Variants in CRAT observed in about 807,000 individuals in gnomAD.
CRAT encodes the protein carnitine acetylase.
CRAT carries 66 observed loss-of-function variants against 73.7 expected under a neutral mutation model. The ratio of observed to expected loss-of-function variants is 0.90; its 90% confidence interval spans 0.73 to 1.10. CRAT has a LOEUF of 1.10. CRAT is among the 50% of genes least tolerant of loss of function. The pLI, the probability that CRAT is intolerant of heterozygous loss-of-function variation, is 0.00. For synonymous variants in CRAT, 321 were observed against 343.2 expected (o/e 0.94, Z 0.71); for missense variants, 745 against 846.9 (o/e 0.88, Z 1.49).
In CRAT at chr9:129,095,411, G is replaced by C; in HGVS notation, c.1867C>G (p.Arg623Gly). 1 of 1,611,186 alleles carries C rather than the reference G, an allele frequency of 6.2e-7. No homozygotes were observed. The highest frequency in any genetic ancestry group is 8.5e-7 in the Non-Finnish European group (1 of 1,179,928). ...GTCCTAGGGGCTCAGAGCTTGGCCCGGGGGTGGCTCTGCAGCAGGGCACGC... is the reference window on the plus strand; with the variant it reads ...GTCCTAGGGGCTCAGAGCTTGGCCCCGGGGTGGCTCTGCAGCAGGGCACGC... The part of the protein sequence containing the change: ...DMRALLQSHP[R>G]AKL The change falls in exon 14 of 14, where the codon CGG becomes GGG. Residue 623 changes from arginine (R) to glycine (G), a missense_variant. Arg to Gly is a moderately radical substitution (Grantham distance 125). Coordinates refer to ENST00000318080, the MANE Select transcript of CRAT (RefSeq NM_000755.5).
Position 129,096,189 on chromosome 9 carries a change from C to A in CRAT, c.1528-54G>T. ...AGGGGCTGTGGACCCCCGGGGTATC[C>A]CTGCCCTCTTCAGCCTGTGGCAGCG... On this transcript the variant is annotated intron_variant, in intron 12 of 13. Coordinates refer to ENST00000318080, the MANE Select transcript of CRAT (RefSeq NM_000755.5). The A allele has an allele frequency of 1.9e-6, 3 of 1,604,068 alleles. No individual in the cohort carries two copies. In the South Asian group the frequency reaches 3.3e-5, roughly 18 times the overall value.
In CRAT at chr9:129,107,737, C is replaced by T. The variant is rs752880962; in HGVS notation, c.291+77G>A. 50 of 1,604,608 alleles carry T rather than the reference C, an allele frequency of 3.1e-5. 1 individual carries two copies. Among genetic ancestry groups the T allele is most frequent in the Non-Finnish European group, 4.0e-5 (47 of 1,173,582 alleles). ...AAACTCTGGGCAGCAAACGAACGGC[C>T]GTGCCAGAGCAGTGGGCACTGGAGA... On this transcript the variant is annotated intron_variant, in intron 2 of 13. Transcript: ENST00000318080. This position sits in a 1 kb window ranked among gnomAD's most constrained non-coding sequence, Gnocchi z 5.0.
Position 129,100,606 on chromosome 9 carries a change from C to T in CRAT, c.889G>A (p.Glu297Lys), listed in dbSNP as rs761201566. Residue 297 changes from glutamate (E) to lysine (K), a missense_variant, in exon 7 of 14, where the codon GAA becomes AAA. Coordinates refer to ENST00000318080, the MANE Select transcript of CRAT (RefSeq NM_000755.5). ...GCCACGTGGCTGCGGTACACGTCTT[C>T]TGAGACCCTGGGCATGGTTGCATCT... Reference protein sequence around the residue: ...CLDATMPRVSEDVYRSHVAGQ... With the variant: ...CLDATMPRVSKDVYRSHVAGQ... The T allele has an allele frequency of 6.2e-6, 10 of 1,613,984 alleles. No individual in the cohort carries two copies. In the African/African-American group the frequency reaches 1.1e-4, roughly 17 times the overall value.
rs113579980 is a variant in CRAT, at chr9:129,100,541, G to A, written c.954C>T (p.Ser318=). 413 of 1,613,636 alleles carry A rather than the reference G, an allele frequency of 2.6e-4. No homozygotes were observed. The African/African-American group carries it at 4.5e-3, about 18-fold the overall frequency. The part of the protein sequence containing the change: ...MLHGGGSRLN[S]GNRWFDKTLQ... Reference sequence around the variant, plus strand: ...GCGTCTTGTCGAACCAGCGGTTGCCGCTGTTGAGCCTGCTGCCGCCCCCAT... The same window carrying A: ...GCGTCTTGTCGAACCAGCGGTTGCCACTGTTGAGCCTGCTGCCGCCCCCAT... The change falls in exon 7 of 14, where the codon AGC becomes AGT. Residue 318 remains serine (S), a synonymous_variant. Transcript: ENST00000318080.
chr9:129,097,779 A>G (rs371573704), intron 11 of CRAT: 1 of 574,188 alleles, frequency 1.7e-6, no homozygotes, highest in Non-Finnish European at 3.0e-6. Flanking sequence ...AGGGCCTGAC[A>G]TAGGGCAGTT....
chr9:129,097,454 A>C lies in CRAT; in HGVS notation c.1465-142T>G. 2.2e-5 allele frequency: 13 copies of C among 587,710 alleles called. No individual in the cohort carries two copies. The South Asian group carries it at 3.2e-4, about 14-fold the overall frequency. The allele number at this position is 587,710 out of a possible 1,614,324, so 36.4% of individuals were successfully genotyped here. Reference sequence around the variant, plus strand: ...CTGGGAGCGGTGGCTCACGCCTGTAATCCCAGCACTTTGGGAGGCCGAGGC... The same window carrying C: ...CTGGGAGCGGTGGCTCACGCCTGTACTCCCAGCACTTTGGGAGGCCGAGGC... On this transcript the variant is annotated intron_variant, in intron 11 of 13. Coordinates refer to ENST00000318080, the MANE Select transcript of CRAT (RefSeq NM_000755.5).
At chr9:129,108,368 C>A in intron 1 of CRAT, 1 of 1,227,142 alleles carries the variant, frequency 8.1e-7, no homozygotes, top group Non-Finnish European at 1.0e-6. Flanking sequence ...GTGAGGGGGA[C>A]CGCCCACCTG....
chr9:129,108,522 A>C, intron 1 of CRAT: 1 of 1,161,574 alleles, frequency 8.6e-7, no homozygotes, highest in Non-Finnish European at 1.1e-6. Flanking sequence ...AGAATCACAG[A>C]GAGCCAGACA....
At position 129,107,657 on chromosome 9, in the gene CRAT, CCTT is replaced by C. The variant is rs752307388; in HGVS notation, c.291+154_291+156del. The C allele has an allele frequency of 1.7e-4, 167 of 988,304 alleles. 1 individual carries two copies. The highest frequency in any genetic ancestry group is 2.5e-4 in the Non-Finnish European group (156 of 631,764). The allele number at this position is 988,304 out of a possible 1,614,324, so 61.2% of individuals were successfully genotyped here. ...AGCTCCAAGGAGCTGGTGACTGTGT[CCTT>C]CTTGATCACCCAGCACCCTGCCAAG... On this transcript the variant is annotated intron_variant, in intron 2 of 13. Coordinates refer to ENST00000318080, the MANE Select transcript of CRAT (RefSeq NM_000755.5). This position sits in a 1 kb window ranked among gnomAD's most constrained non-coding sequence, Gnocchi z 5.0.
Position 129,098,378 on chromosome 9 carries a change from G to A in CRAT, c.1206-7C>T, listed in dbSNP as rs368706124. On this transcript the variant is annotated splice_polypyrimidine_tract_variant and splice_region_variant and intron_variant, in intron 9 of 13. Coordinates refer to ENST00000318080, the MANE Select transcript of CRAT (RefSeq NM_000755.5). ...ATCCAGGTCCTGGATCATGCTGGGG[G>A]TGTGGGAAGAGCAGGTGAGGAGCAG... 1.7e-5 allele frequency: 28 copies of A among 1,613,432 alleles called. No individual in the cohort carries two copies. The highest frequency in any genetic ancestry group is 2.1e-5 in the Non-Finnish European group (25 of 1,179,760).
chr9:129,108,604 G>T, intron 1 of CRAT: 1 of 1,083,974 alleles, frequency 9.2e-7, no homozygotes, highest in Non-Finnish European at 1.2e-6. Context: ...TGGGGTGAGG[G>T]CAGTGCTGTG....
Position 129,108,342 on chromosome 9 carries a change from C to A in CRAT, c.28-265G>T, listed in dbSNP as rs1848151079. On this transcript the variant is annotated intron_variant, in intron 1 of 13. Coordinates refer to ENST00000318080, the MANE Select transcript of CRAT (RefSeq NM_000755.5). ...GGAACCAAGTCAGGATGAACGGCAC[C>A]TTTGGGGTGGCAGAGGTGAGGGGGA... 5 of 1,238,820 alleles carry A rather than the reference C, an allele frequency of 4.0e-6. No individual in the cohort carries two copies. In the African/African-American group the frequency reaches 4.6e-5, roughly 11 times the overall value. 76.7% of individuals were successfully genotyped at this position (1,238,820 alleles called of 1,614,324 possible). A position where few individuals can be genotyped will look rare whatever the true frequency, so the allele number is the denominator to read the frequency against.
rs766869210 is a variant in CRAT at position 129,099,844 on chromosome 9, CGA to C, written c.1085+20_1085+21del. 1 of 1,574,212 alleles carries C rather than the reference CGA, an allele frequency of 6.4e-7. No individual in the cohort carries two copies. The highest frequency in any genetic ancestry group is 8.7e-7 in the Non-Finnish European group (1 of 1,146,578). On this transcript the variant is annotated intron_variant, in intron 8 of 13. Transcript: ENST00000318080. Reference sequence around the variant, plus strand: ...TGTCACTAGAAGCTGGGGAACTAGGCGAGAGATGTGACTGTACTCACGTGTAC... The same window carrying C: ...TGTCACTAGAAGCTGGGGAACTAGGCGAGATGTGACTGTACTCACGTGTAC...
At chr9:129,100,167 G>C in intron 7 of CRAT, 1 of 586,212 alleles carries the variant, frequency 1.7e-6, no homozygotes, top group Non-Finnish European at 3.0e-6. Context: ...GTGCCTGACT[G>C]AGTCCTTCAA....
At chr9:129,100,288 G>GAGGGGGTGTGC in intron 7 of CRAT, 1 of 607,694 alleles carries the variant, frequency 1.6e-6, no homozygotes, top group East Asian at 2.8e-5. Context: ...GTGAGGTGCT[G>GAGGGGGTGTGC]AGGGGGTGTG....
chr9:129,100,878 G>A (rs550977376), intron 6 of CRAT, among the ~76,000 whole-genome samples, 189 bp from the exon 7 acceptor site: 4 of 152,144 alleles, frequency 2.6e-5, no homozygotes, highest in Non-Finnish European at 5.9e-5. Flanking sequence ...TCAGAGCTTC[G>A]AACTCAACAG....
At position 129,104,754 on chromosome 9, in the gene CRAT, G is replaced by A. The variant is rs569697668; in HGVS notation, c.292-448C>T. On this transcript the variant is annotated intron_variant, in intron 2 of 13. Coordinates refer to ENST00000318080, the MANE Select transcript of CRAT (RefSeq NM_000755.5). ...TGAGTAAGTGGGACTACAGGCGCCA[G>A]CCACCACACCTGGCTATTTTTTTGT... Among the ~76,000 whole-genome samples the A allele has an allele frequency of 4.6e-3, 702 of 151,164 alleles. 5 individuals are homozygous for A. The highest frequency in any genetic ancestry group is 0.016 in the African/African-American group (641 of 41,164).
In CRAT at chr9:129,106,667, T is replaced by C. The variant is rs1396934447; in HGVS notation, c.291+1147A>G. 6.6e-6 allele frequency among the ~76,000 whole-genome samples: 1 copy of C among 151,974 alleles called. No homozygotes were observed. Among genetic ancestry groups the C allele is most frequent in the Non-Finnish European group, 1.5e-5 (1 of 68,008 alleles). ...GAGTCCAAAGTCCTGACCTGACGCG[T>C]CTCAGCAAATGTTGACAACTCCCAC... On this transcript the variant is annotated intron_variant, in intron 2 of 13. Coordinates refer to ENST00000318080, the MANE Select transcript of CRAT (RefSeq NM_000755.5). This position sits in a 1 kb window ranked among gnomAD's most constrained non-coding sequence, Gnocchi z 4.0.
chr9:129,107,705 G>A lies in CRAT; in HGVS notation c.291+109C>T. ...GCCAAGTGCCAGACACAGAGTATGT[G>A]CTCACGAAACTCTGGGCAGCAAACG... On this transcript the variant is annotated intron_variant, in intron 2 of 13. Coordinates refer to ENST00000318080, the MANE Select transcript of CRAT (RefSeq NM_000755.5). The surrounding 1 kb of genome is among the most constrained non-coding windows in gnomAD (Gnocchi z 5.0). 1.3e-6 allele frequency: 2 copies of A among 1,494,406 alleles called. No individual in the cohort carries two copies. The highest frequency in any genetic ancestry group is 1.8e-6 in the Non-Finnish European group (2 of 1,082,840). 92.6% of individuals were successfully genotyped at this position (1,494,406 alleles called of 1,614,324 possible).
Sources: allele counts gnomAD v4.1 joint callset (sites outside exome capture counted in the v4.1 genomes callset), GRCh38; gene constraint gnomAD v4.1.1; non-coding constraint Gnocchi (gnomAD v3.1); transcripts MANE v1.5; gene names NCBI Gene and HGNC (gene_info 2026-07-23, HGNC 2026-07-21).